SNX18: variants seen among roughly 807,000 people sequenced by gnomAD.
SNX18 encodes the protein sorting nexin 18.
Under a neutral mutation model 48.7 loss-of-function variants are expected in SNX18, and 35 were observed. That is an observed-to-expected ratio of 0.72 (90% CI 0.55 to 0.95). SNX18 has a LOEUF of 0.95. Ranked by LOEUF, SNX18 falls within the 40% of genes least tolerant of loss-of-function variation. SNX18 has a pLI of 0.00. For missense variants in SNX18, 824 were observed against 871.0 expected (o/e 0.95, Z 0.68); for synonymous variants, 492 against 384.7 (o/e 1.28, Z -3.26).
chr5:54,521,664 C>G (rs1374931018), intron 1 of SNX18, among the ~76,000 whole-genome samples: 1 of 152,118 alleles, frequency 6.6e-6, no homozygotes, highest in Non-Finnish European at 1.5e-5. Context: ...ATAATTGAAC[C>G]ATTGCCCTCC....
the SNX18 span, among the ~76,000 whole-genome samples, chr5:54,591,665 A>G: frequency 2.0e-5 from 3 of 152,246 alleles, no homozygotes; most frequent in Admixed American, 6.5e-5. Flanking sequence ...AAAGAGAAAT[A>G]TCTTTTCTGC....
Position 54,519,483 on chromosome 5 carries a change from C to A in SNX18, c.1531C>A (p.Pro511Thr). 6.2e-7 allele frequency: 1 copy of A among 1,614,220 alleles called. No individual in the cohort carries two copies. The highest frequency in any genetic ancestry group is 8.5e-7 in the Non-Finnish European group (1 of 1,180,042). ...DAIGELFAEQ[P>T]RQDLDPVMDL... ...CATTGGCGAGCTCTTCGCGGAGCAG[C>A]CCAGGCAGGACCTGGATCCCGTCAT... The change falls in exon 1 of 2, where the codon CCC (proline) becomes ACC (threonine). Residue 511 changes from proline (P) to threonine (T), a missense_variant. Physicochemically the swap from Pro to Thr is conservative, Grantham distance 38. Around this residue, in one of 3 missense-constraint regions of SNX18, gnomAD observed 443 missense variants for 503.6 expected, o/e 0.88. Transcript: ENST00000381410.
chr5:54,518,915 G>C lies in SNX18; in HGVS notation c.963G>C (p.Ala321=), dbSNP rs1165146746. The C allele has an allele frequency of 1.9e-6, 3 of 1,613,924 alleles. No individual in the cohort carries two copies. The highest frequency in any genetic ancestry group is 2.5e-6 in the Non-Finnish European group (3 of 1,180,036). ...ACAAGCACTTCGACTGGCTGTACGCGCGCCTGGCGGAGAAGTTCCCGGTCA... is the reference window on the plus strand; with the variant it reads ...ACAAGCACTTCGACTGGCTGTACGCCCGCCTGGCGGAGAAGTTCCCGGTCA... ...RRYKHFDWLY[A]RLAEKFPVIS... The change falls in exon 1 of 2, where the codon GCG becomes GCC. Residue 321 remains alanine, a synonymous_variant. Coordinates refer to ENST00000381410, the MANE Select transcript of SNX18 (RefSeq NM_001102575.2).
chr5:54,547,287 G>A (rs776174635), downstream of SNX18, among the ~76,000 whole-genome samples: 3 of 152,172 alleles, frequency 2.0e-5, no homozygotes, highest in Non-Finnish European at 4.4e-5. Context: ...TCCTCACAAT[G>A]AACCTATGAG....
chr5:54,631,895 AG>A, the SNX18 span, among the ~76,000 whole-genome samples: 1 of 152,234 alleles, frequency 6.6e-6, no homozygotes, highest in African/African-American at 2.4e-5. Flanking sequence ...AGTCTGTTTC[AG>A]CCCCACTGCA....
At chr5:54,556,988 G>C in the SNX18 span, among the ~76,000 whole-genome samples, 1 of 152,140 alleles carries the variant, frequency 6.6e-6, no homozygotes, top group Non-Finnish European at 1.5e-5. Context: ...TTTTTCATCT[G>C]CTTTATCTTT....
At chr5:54,573,339 TC>T in the SNX18 span, among the ~76,000 whole-genome samples, 1 of 152,126 alleles carries the variant, frequency 6.6e-6, no homozygotes, top group Non-Finnish European at 1.5e-5. Flanking sequence ...ACTTTGCACT[TC>T]AGACTCACCC....
rs772299231 is a variant in SNX18 at position 54,519,069 on chromosome 5, G to A, written c.1117G>A (p.Asp373Asn). 1.2e-6 allele frequency: 2 copies of A among 1,613,894 alleles called. No individual in the cohort carries two copies. The highest frequency in any genetic ancestry group is 2.2e-5 in the East Asian group (1 of 44,848). Residue 373 changes from aspartate to asparagine, a missense_variant, in exon 1 of 2, where the codon GAC becomes AAC. This residue lies in a region of SNX18 where 443 missense variants were observed against 503.6 expected (regional missense o/e 0.88). Transcript: ENST00000381410. ...CAGCCACCCAGTGCTGGCGCAGTGC[G>A]ACGTCTTCCAGCACTTCCTGACGTG... ...MASHPVLAQC[D>N]VFQHFLTCPS... is the part of the protein sequence containing the mutation.
At chr5:54,628,766 T>C in the SNX18 span, among the ~76,000 whole-genome samples, 1 of 152,340 alleles carries the variant, frequency 6.6e-6, no homozygotes. Flanking sequence ...CACCTTGCAA[T>C]GTTCTGGATT....
At position 54,543,408 on chromosome 5, in the gene SNX18, T is replaced by G; in HGVS notation, c.1851T>G (p.Ala617=). ...FQKVTQKLEE[A]LHKYDSV is the part of the protein sequence containing the mutation. ...AAGTTACCCAGAAGTTGGAAGAAGC[T>G]CTTCACAAATATGATAGTGTTTAAT... Residue 617 remains alanine (A), a synonymous_variant, in exon 2 of 2, where the codon GCT becomes GCG. Transcript: ENST00000381410. 1 of 1,614,148 alleles carries G rather than the reference T, an allele frequency of 6.2e-7. No individual in the cohort carries two copies. The highest frequency in any genetic ancestry group is 8.5e-7 in the Non-Finnish European group (1 of 1,180,014).
chr5:54,543,080 C>T (rs909088500), intron 1 of SNX18, 99 bp from the exon 2 acceptor site: 34 of 1,171,352 alleles, frequency 2.9e-5, no homozygotes, highest in South Asian at 3.8e-5. Context: ...ATAGTTTGGG[C>T]AACTATTTAT....
intron 1 of SNX18, among the ~76,000 whole-genome samples, chr5:54,531,105 C>T (rs1242294780): frequency 1.3e-5 from 2 of 151,994 alleles, no homozygotes; most frequent in East Asian, 3.9e-4. Flanking sequence ...CACTGGTGCA[C>T]CCTGGCTCCC....
chr5:54,643,565 T>C, the SNX18 span: 1 of 152,244 alleles, frequency 6.6e-6, no homozygotes, highest in African/African-American at 2.4e-5. Flanking sequence ...CTAGTAATAA[T>C]GAATGAATGC....
the SNX18 span, among the ~76,000 whole-genome samples, chr5:54,618,245 G>A: frequency 6.6e-6 from 1 of 152,200 alleles, no homozygotes; most frequent in Non-Finnish European, 1.5e-5. Context: ...TGCTATGATT[G>A]TAAGTTTCTT....
At chr5:54,520,675 C>A (rs1762010272) in intron 1 of SNX18, 1 of 167,164 alleles carries the variant, frequency 6.0e-6, no homozygotes, top group African/African-American at 2.4e-5. Context: ...AAGTTTGCCT[C>A]CCTTGATTGT....
At chr5:54,582,452 C>G in the SNX18 span, among the ~76,000 whole-genome samples, 1 of 152,040 alleles carries the variant, frequency 6.6e-6, no homozygotes, top group Non-Finnish European at 1.5e-5. Flanking sequence ...ATATCTTTTT[C>G]TTTCCTAAAT....
At chr5:54,553,771 T>C in the SNX18 span, among the ~76,000 whole-genome samples, 2 of 152,160 alleles carry the variant, frequency 1.3e-5, no homozygotes, top group Admixed American at 1.3e-4. Flanking sequence ...GAGAACCTTG[T>C]CTCTCTCAGT....
At chr5:54,578,577 G>C in the SNX18 span, among the ~76,000 whole-genome samples, 1 of 152,190 alleles carries the variant, frequency 6.6e-6, no homozygotes, top group African/African-American at 2.4e-5. Context: ...CCTTTGTGGG[G>C]AGCTGAACTT....
chr5:54,626,281 T>G, the SNX18 span, among the ~76,000 whole-genome samples: 3 of 152,230 alleles, frequency 2.0e-5, no homozygotes, highest in Non-Finnish European at 2.9e-5. Context: ...TGTAGTAAAC[T>G]ATTTATTCAC....
Sources: gnomAD v4.1 joint callset for allele counts (sites outside exome capture counted in the v4.1 genomes callset) on GRCh38, gnomAD v4.1.1 for gene constraint, gnomAD v4.1.1 regional missense constraint, MANE v1.5 for transcripts, NCBI Gene and HGNC (gene_info 2026-07-23, HGNC 2026-07-21) for gene names.